Variants in DENND1A observed in about 807,000 individuals in gnomAD.
DENND1A encodes DENN domain containing 1A.
DENND1A carries 51 observed loss-of-function variants against 113.7 expected under a neutral mutation model. The observed-to-expected ratio is 0.45, with a 90% confidence interval of 0.36 to 0.57. The LOEUF is 0.57. Among genes scored for constraint, DENND1A ranks in the 20% least tolerant of loss-of-function variants. The pLI is 0.00. For missense variants in DENND1A, 1,258 were observed against 1,395.9 expected (o/e 0.90, Z 1.57); for synonymous variants, 565 against 570.8 (o/e 0.99, Z 0.14).
chr9:123,572,193 C>T (rs1486337228), intron 12 of DENND1A, among the ~76,000 whole-genome samples: 1 of 152,200 alleles, frequency 6.6e-6, no homozygotes, highest in African/African-American at 2.4e-5. Context: ...ATAGTTTTGC[C>T]TGTTCCAGAA....
intron 1 of DENND1A, among the ~76,000 whole-genome samples, chr9:123,902,819 T>TA (rs1220220044): frequency 2.9e-5 from 4 of 137,542 alleles, no homozygotes; most frequent in East Asian, 2.0e-4. Context: ...TTTTTTTTTT[T>TA]AAAAAGGCCA....
At chr9:123,618,537 C>T (rs1269265809) in intron 10 of DENND1A, among the ~76,000 whole-genome samples, 4 of 152,198 alleles carry the variant, frequency 2.6e-5, no homozygotes, top group Admixed American at 2.0e-4. Flanking sequence ...TTGCCCCTCC[C>T]GACATTAGGC....
intron 13 of DENND1A, among the ~76,000 whole-genome samples, chr9:123,553,410 C>CG (rs1476178599): frequency 1.3e-5 from 2 of 151,246 alleles, no homozygotes; most frequent in Admixed American, 6.6e-5. Flanking sequence ...GCCCCCCCCC[C>CG]GCTCCTCATC....
chr9:123,924,079 A>T (rs756423288), intron 1 of DENND1A, among the ~76,000 whole-genome samples: 3 of 152,260 alleles, frequency 2.0e-5, no homozygotes, highest in Non-Finnish European at 2.9e-5. Context: ...ATGGAATATT[A>T]TTCAGCAGTA....
At chr9:123,510,347 G>C (rs888990379) in intron 13 of DENND1A, among the ~76,000 whole-genome samples, 1 of 152,218 alleles carries the variant, frequency 6.6e-6, no homozygotes, top group Non-Finnish European at 1.5e-5. Context: ...ATCTGATAAA[G>C]GGAAATACAC....
chr9:123,824,350 A>G (rs998139912), intron 2 of DENND1A, among the ~76,000 whole-genome samples: 1 of 152,158 alleles, frequency 6.6e-6, no homozygotes, highest in Non-Finnish European at 1.5e-5. Flanking sequence ...CCAACAATAG[A>G]TTGAAAGTTC....
intron 13 of DENND1A, among the ~76,000 whole-genome samples, chr9:123,544,688 T>G (rs954896271): frequency 6.6e-6 from 1 of 152,370 alleles, no homozygotes; most frequent in Non-Finnish European, 1.5e-5. Flanking sequence ...GGGGAATATA[T>G]ATAAAGAGCC....
intron 8 of DENND1A, among the ~76,000 whole-genome samples, chr9:123,653,409 C>T (rs986893602): frequency 3.3e-5 from 5 of 152,184 alleles, no homozygotes; most frequent in Non-Finnish European, 5.9e-5. Flanking sequence ...CAGCAACTGG[C>T]AAAGTCAGAT....
intron 4 of DENND1A, chr9:123,759,449 C>T (rs748734902): frequency 6.6e-6 from 1 of 152,198 alleles, no homozygotes; most frequent in South Asian, 2.1e-4. Flanking sequence ...CTTTGAGACA[C>T]AGTCTTGTTC....
intron 9 of DENND1A, among the ~76,000 whole-genome samples, chr9:123,643,789 G>A (rs1310492484): frequency 6.6e-6 from 1 of 152,196 alleles, no homozygotes; most frequent in Non-Finnish European, 1.5e-5. Flanking sequence ...TGTGTCAATG[G>A]GAATTCACAG....
chr9:123,718,712 C>T (rs1237437134), intron 5 of DENND1A, among the ~76,000 whole-genome samples: 1 of 152,212 alleles, frequency 6.6e-6, no homozygotes, highest in Non-Finnish European at 1.5e-5. Context: ...AAATTTGGGA[C>T]TCAAACTGAA....
intron 6 of DENND1A, among the ~76,000 whole-genome samples, chr9:123,676,238 A>C (rs566753056): frequency 6.6e-6 from 1 of 152,322 alleles, no homozygotes; most frequent in African/African-American, 2.4e-5. Flanking sequence ...CCCCTACAAA[A>C]GTTACTGTAA....
intron 1 of DENND1A, among the ~76,000 whole-genome samples, chr9:123,909,411 A>T (rs1853547994): frequency 6.7e-6 from 1 of 149,896 alleles, no homozygotes; most frequent in African/African-American, 2.4e-5. Context: ...AAAAAATAAA[A>T]ATAAATAAAA....
At chr9:123,653,239 T>C (rs1589526455) in intron 8 of DENND1A, among the ~76,000 whole-genome samples, 1 of 152,226 alleles carries the variant, frequency 6.6e-6, no homozygotes. Flanking sequence ...AAGTTAACCA[T>C]CAACCTTTAT....
intron 3 of DENND1A, among the ~76,000 whole-genome samples, chr9:123,780,422 T>C (rs10453236): frequency 0.024 from 3,682 of 152,250 alleles, 146 homozygotes; most frequent in African/African-American, 0.083. Context: ...GATTGGATGA[T>C]AGATCGGATT....
intron 5 of DENND1A, among the ~76,000 whole-genome samples, chr9:123,745,160 T>TCATTTCC (rs1267759024): frequency 6.6e-6 from 1 of 152,086 alleles, no homozygotes; most frequent in African/African-American, 2.4e-5. Context: ...AATCAGAAGC[T>TCATTTCC]CATTTCCAAA....
chr9:123,914,842 C>A (rs1055758256), intron 1 of DENND1A, among the ~76,000 whole-genome samples: 3 of 152,050 alleles, frequency 2.0e-5, no homozygotes, highest in Admixed American at 6.6e-5. Flanking sequence ...GGCCCACCCC[C>A]ACGATCCCAA....
At chr9:123,855,837 A>G (rs1193582993) in intron 2 of DENND1A, among the ~76,000 whole-genome samples, 2 of 152,148 alleles carry the variant, frequency 1.3e-5, no homozygotes, top group Non-Finnish European at 2.9e-5. Flanking sequence ...CGGGAGTTCA[A>G]GACCAGCCTG....
rs115536272 is a variant in DENND1A, at chr9:123,898,001, G to A, written c.18-18980C>T. ...TCTTCTTCTACATACATACATCCTA[G>A]TCAACAACTAAAAAAAATTTTTTTT... On this transcript the variant is annotated intron_variant, in intron 1 of 23. Coordinates refer to ENST00000394215, the MANE Select transcript of DENND1A (RefSeq NM_001352964.2). 3.3e-3 allele frequency among the ~76,000 whole-genome samples: 497 copies of A among 149,764 alleles called. 4 individuals are homozygous for A. Among genetic ancestry groups the A allele is most frequent in the African/African-American group, 0.012 (476 of 40,844 alleles).
Sources: allele counts gnomAD v4.1 joint callset (sites outside exome capture counted in the v4.1 genomes callset), GRCh38; gene constraint gnomAD v4.1.1; transcripts MANE v1.5; gene names NCBI Gene and HGNC (gene_info 2026-07-23, HGNC 2026-07-21).